GREB1L: variants seen among roughly 807,000 people sequenced by gnomAD.
The protein encoded by GREB1L is GREB1-like protein.
GREB1L carries 17 observed loss-of-function variants against 200.8 expected under a neutral mutation model. The observed-to-expected ratio is 0.08, with a 90% CI of 0.06 to 0.13. GREB1L has a LOEUF of 0.13. Among genes scored for constraint, GREB1L ranks in the 10% least tolerant of loss-of-function variants. The pLI is 1.00. For synonymous variants in GREB1L, 789 were observed against 893.0 expected (o/e 0.88, Z 2.08); for missense variants, 1,657 against 2,367.7 (o/e 0.70, Z 6.23).
chr18:21,453,829 T>C (rs1427583743), intron 14 of GREB1L, among the ~76,000 whole-genome samples: 1 of 152,122 alleles, frequency 6.6e-6, no homozygotes, highest in Non-Finnish European at 1.5e-5. Flanking sequence ...ATGTAGTGAC[T>C]GGGGAGGGAA....
intron 7 of GREB1L, among the ~76,000 whole-genome samples, chr18:21,438,976 A>G (rs1422920669): frequency 9.9e-5 from 14 of 141,690 alleles, no homozygotes; most frequent in African/African-American, 2.5e-4. Context: ...AAAAAAAAAA[A>G]AAAGAAAAGA....
rs1267570024 is a variant in GREB1L, at chr18:21,495,738, T to C, written c.3099T>C (p.Cys1033=). Residue 1033 remains cysteine, a synonymous_variant, in exon 20 of 33, where the codon TGT becomes TGC. Transcript: ENST00000424526. ...ACCAAGATTTAGACGGTCTACCTTG[T>C]ATTGTGATATTAACTGGCAAAGATC... ...RTYQDLDGLP[C]IVILTGKDPL... The C allele has an allele frequency of 1.3e-6, 2 of 1,546,858 alleles. No individual in the cohort carries two copies. Among genetic ancestry groups the C allele is most frequent in the Non-Finnish European group, 1.7e-6 (2 of 1,143,770 alleles).
At chr18:21,501,787 G>C (rs1187350310) in intron 23 of GREB1L, among the ~76,000 whole-genome samples, 1 of 152,198 alleles carries the variant, frequency 6.6e-6, no homozygotes, top group Non-Finnish European at 1.5e-5. Flanking sequence ...ATAATGAGAT[G>C]AAAACTTCTA....
At chr18:21,328,287 T>G (rs1465164598) in intron 1 of GREB1L, among the ~76,000 whole-genome samples, 1 of 152,176 alleles carries the variant, frequency 6.6e-6, no homozygotes, top group Non-Finnish European at 1.5e-5. Context: ...AGTGTAGTCT[T>G]GTTCATGTGT....
Position 21,508,845 on chromosome 18 carries a change from C to T in GREB1L, c.4735+254C>T, listed in dbSNP as rs987211818. On this transcript the variant is annotated intron_variant, in intron 27 of 32. Coordinates refer to ENST00000424526, the MANE Select transcript of GREB1L (RefSeq NM_001142966.3). Reference sequence around the variant, plus strand: ...GAAGAAGTCACTGGTGTACTGAGCACCCTGGGAAGGTTTGGGATTCTTCCC... The same window carrying T: ...GAAGAAGTCACTGGTGTACTGAGCATCCTGGGAAGGTTTGGGATTCTTCCC... 12 of 510,976 alleles carry T rather than the reference C, an allele frequency of 2.3e-5. No individual in the cohort carries two copies. In the East Asian group the frequency reaches 2.5e-4, roughly 11 times the overall value. 31.7% of individuals were successfully genotyped at this position (510,976 alleles called of 1,614,324 possible).
At chr18:21,349,896 A>G (rs1471454263) in intron 1 of GREB1L, among the ~76,000 whole-genome samples, 1 of 152,176 alleles carries the variant, frequency 6.6e-6, no homozygotes, top group African/African-American at 2.4e-5. Flanking sequence ...CCATACCCCA[A>G]CCCTTGGCTG....
In GREB1L at chr18:21,508,190, A is replaced by G. The variant is rs768156405; in HGVS notation, c.4441A>G (p.Ile1481Val). 5 of 1,551,622 alleles carry G rather than the reference A, an allele frequency of 3.2e-6. No homozygotes were observed. Among genetic ancestry groups the G allele is most frequent in the Non-Finnish European group, 3.5e-6 (4 of 1,146,976 alleles). ...MLGEEVQLYFIIPKSKESHFV... is the reference protein window; with the variant it reads ...MLGEEVQLYFVIPKSKESHFV... ...GGGAGAAGAGGTTCAGCTCTATTTC[A>G]TCATTCCCAAATCCAAAGAGAGTCA... Residue 1481 changes from isoleucine (I) to valine (V), a missense_variant, in exon 26 of 33, where the codon ATC becomes GTC. Physicochemically the swap from Ile to Val is conservative, Grantham distance 29 (BLOSUM62 3). Around this residue, in one of 9 missense-constraint regions of GREB1L, gnomAD observed 512 missense variants for 668.3 expected, o/e 0.77. Coordinates refer to ENST00000424526, the MANE Select transcript of GREB1L (RefSeq NM_001142966.3).
intron 7 of GREB1L, among the ~76,000 whole-genome samples, chr18:21,415,147 A>G (rs1048733185): frequency 2.0e-5 from 3 of 152,200 alleles, no homozygotes; most frequent in African/African-American, 7.2e-5. Flanking sequence ...AGATATCCAA[A>G]GAGTCCCTCA....
intron 19 of GREB1L, among the ~76,000 whole-genome samples, chr18:21,495,407 T>G (rs562929931): frequency 6.6e-6 from 1 of 152,340 alleles, no homozygotes; most frequent in East Asian, 1.9e-4. Flanking sequence ...ATTGTATGTG[T>G]TTTTGGCTTG....
rs796756020 is a variant in GREB1L, at chr18:21,426,984, A to AC, written c.833-12537_833-12536insC. Among the ~76,000 whole-genome samples, 1,425 of 144,570 alleles carry AC rather than the reference A, an allele frequency of 9.9e-3. 46 individuals carry two copies. The highest frequency in any genetic ancestry group is 0.036 in the African/African-American group (1,349 of 37,828). 94.8% of individuals were successfully genotyped at this position (144,570 alleles called of 152,430 possible). A position where few individuals can be genotyped will look rare whatever the true frequency, so the allele number is the denominator to read the frequency against. ...AAAAAAAAAAAAAACAAAAAAAAAA[A>AC]AAACAAAAAAAAAAAACTGTTTTGG... On this transcript the variant is annotated intron_variant, in intron 7 of 32. Coordinates refer to ENST00000424526, the MANE Select transcript of GREB1L (RefSeq NM_001142966.3).
chr18:21,267,927 GA>G (rs1431480436), intron 1 of GREB1L, among the ~76,000 whole-genome samples: 1 of 151,040 alleles, frequency 6.6e-6, no homozygotes, highest in Non-Finnish European at 1.5e-5. Context: ...ATACAAATAA[GA>G]AACTGAGGCA....
intron 31 of GREB1L, among the ~76,000 whole-genome samples, chr18:21,520,103 A>AT (rs1179106702): frequency 3.3e-5 from 5 of 151,616 alleles, no homozygotes; most frequent in African/African-American, 1.2e-4. Context: ...CGCCTGGCTA[A>AT]TTTTTTTTGT....
At chr18:21,323,142 C>T (rs548123452) in intron 1 of GREB1L, among the ~76,000 whole-genome samples, 21 of 151,948 alleles carry the variant, frequency 1.4e-4, no homozygotes, top group Middle Eastern at 3.4e-3. Flanking sequence ...TTTTAAATAG[C>T]GGGATGTGGT....
At chr18:21,406,808 C>T (rs1032576759) in intron 7 of GREB1L, among the ~76,000 whole-genome samples, 12 of 151,356 alleles carry the variant, frequency 7.9e-5, no homozygotes, top group African/African-American at 2.9e-4. Context: ...ACCTGCTAAG[C>T]TATATATATT....
chr18:21,373,434 T>C (rs960841648), intron 2 of GREB1L, among the ~76,000 whole-genome samples: 2 of 152,082 alleles, frequency 1.3e-5, no homozygotes, highest in Non-Finnish European at 2.9e-5. Flanking sequence ...CCCAGGTTCA[T>C]GCGATTCTCC....
chr18:21,287,368 A>T (rs962013991), intron 1 of GREB1L, among the ~76,000 whole-genome samples: 2 of 152,216 alleles, frequency 1.3e-5, no homozygotes, highest in Non-Finnish European at 2.9e-5. Flanking sequence ...AATGGAGTGC[A>T]ATGTTCATTG....
chr18:21,468,340 C>T (rs1568035780), intron 15 of GREB1L, among the ~76,000 whole-genome samples: 1 of 152,102 alleles, frequency 6.6e-6, no homozygotes, highest in Non-Finnish European at 1.5e-5. Context: ...ATAAGCCAGT[C>T]TATAGAGACA....
intron 1 of GREB1L, among the ~76,000 whole-genome samples, chr18:21,252,469 A>G (rs2037724735): frequency 6.6e-6 from 1 of 151,644 alleles, no homozygotes. Context: ...AGGCAACAAA[A>G]TCGCTTGAAC....
intron 27 of GREB1L, among the ~76,000 whole-genome samples, chr18:21,512,807 T>G (rs972357388): frequency 2.6e-5 from 4 of 152,194 alleles, no homozygotes; most frequent in Admixed American, 2.6e-4. Flanking sequence ...TTTTCATATA[T>G]GGCCTTTATT....
Sources: allele counts gnomAD v4.1 joint callset (sites outside exome capture counted in the v4.1 genomes callset), GRCh38; gene constraint gnomAD v4.1.1; regional missense constraint gnomAD v4.1.1; transcripts MANE v1.5; gene names NCBI Gene and HGNC (gene_info 2026-07-23, HGNC 2026-07-21).